The following PTPRN2 variants were observed in gnomAD, a reference collection of about 807,000 sequenced individuals.
PTPRN2 encodes protein tyrosine phosphatase receptor type N2.
In PTPRN2, 74 loss-of-function variants were observed where a neutral mutation model predicts 118.8. The ratio of observed to expected loss-of-function variants is 0.62; its 90% CI spans 0.52 to 0.76. The LOEUF (loss-of-function observed/expected upper bound fraction) is 0.76. Ranked by LOEUF, PTPRN2 falls within the 30% of genes least tolerant of loss-of-function variation. PTPRN2 has a pLI of 0.00. For missense variants in PTPRN2, 1,481 were observed against 1,394.4 expected, an observed-to-expected ratio of 1.06 and a Z score of -0.99; for synonymous variants, 641 against 608.0, an observed-to-expected ratio of 1.05 and a Z score of -0.80.
intron 2 of PTPRN2, among the ~76,000 whole-genome samples, chr7:158,467,288 T>TG (rs1022458685): frequency 3.8e-5 from 3 of 78,412 alleles, no homozygotes; most frequent in African/African-American, 3.9e-5. Flanking sequence ...TTTGGGTTTT[T>TG]TTTGTGTGTT....
intron 3 of PTPRN2, among the ~76,000 whole-genome samples, chr7:158,229,314 A>C (rs1226863215): frequency 6.6e-6 from 1 of 152,106 alleles, no homozygotes; most frequent in African/African-American, 2.4e-5. Context: ...GAGTAAATAA[A>C]TAATCCTTCA....
At chr7:158,170,025 A>C (rs966208116) in intron 5 of PTPRN2, among the ~76,000 whole-genome samples, 3 of 152,176 alleles carry the variant, frequency 2.0e-5, no homozygotes, top group African/African-American at 7.2e-5. Context: ...ATTATTTCTA[A>C]AGTGATGTGA....
At chr7:158,116,106 C>A (rs1053648097) in intron 9 of PTPRN2, among the ~76,000 whole-genome samples, 4 of 152,336 alleles carry the variant, frequency 2.6e-5, no homozygotes, top group Admixed American at 6.5e-5. Flanking sequence ...CACATGGACA[C>A]AAGTACTCAT....
intron 12 of PTPRN2, among the ~76,000 whole-genome samples, chr7:157,812,058 C>T (rs1806077551): frequency 6.6e-6 from 1 of 152,166 alleles, no homozygotes; most frequent in South Asian, 2.1e-4. Flanking sequence ...GGCAGGCGGA[C>T]TCCATGTGAC....
rs1824788986 is a variant in PTPRN2, at chr7:158,526,445, G to A, written c.113-36660C>T. Among the ~76,000 whole-genome samples, 1 of 152,202 alleles carries A rather than the reference G, an allele frequency of 6.6e-6. No homozygotes were observed. The highest frequency in any genetic ancestry group is 2.4e-5 in the African/African-American group (1 of 41,452). ...CCACGTTCCCACAAACACAGGGTCTGGAGGTCTCTCCGCTGGTCACGGCCT... is the reference window on the plus strand; with the variant it reads ...CCACGTTCCCACAAACACAGGGTCTAGAGGTCTCTCCGCTGGTCACGGCCT... On this transcript the variant is annotated intron_variant, in intron 1 of 22. Transcript: ENST00000389418. The surrounding 1 kb of genome is among the most constrained non-coding windows in gnomAD (Gnocchi z 5.2).
chr7:157,685,003 C>A (rs1797105475), intron 12 of PTPRN2, among the ~76,000 whole-genome samples: 1 of 151,946 alleles, frequency 6.6e-6, no homozygotes, highest in Non-Finnish European at 1.5e-5. Context: ...TGTTCGCCTG[C>A]GGGGCCGCGT....
At position 157,622,544 on chromosome 7, in the gene PTPRN2, G is replaced by C. The variant is rs558643345; in HGVS notation, c.2197-1035C>G. 6.6e-6 allele frequency among the ~76,000 whole-genome samples: 1 copy of C among 152,162 alleles called. No homozygotes were observed. Among genetic ancestry groups the C allele is most frequent in the Admixed American group, 6.5e-5 (1 of 15,282 alleles). ...CACAGAGGGAGGGAGGGCTGGACAC[G>C]GCGAGGCGGGAATCTCAGGTCATCG... On this transcript the variant is annotated intron_variant, in intron 14 of 22. Transcript: ENST00000389418. The surrounding 1 kb of genome is among the most constrained non-coding windows in gnomAD (Gnocchi z 5.3).
At chr7:158,258,144 C>G (rs184014857) in intron 3 of PTPRN2, among the ~76,000 whole-genome samples, 3 of 152,350 alleles carry the variant, frequency 2.0e-5, no homozygotes, top group Admixed American at 2.0e-4. Context: ...CAGCTCACAG[C>G]ATGGCTGCCC....
At chr7:157,602,959 T>A (rs1293586667) in intron 16 of PTPRN2, among the ~76,000 whole-genome samples, 1 of 152,192 alleles carries the variant, frequency 6.6e-6, no homozygotes, top group African/African-American at 2.4e-5. Flanking sequence ...AAAGGCAAAT[T>A]TGGAATTTTA....
intron 6 of PTPRN2, among the ~76,000 whole-genome samples, chr7:158,149,139 C>A (rs1820603774): frequency 2.0e-5 from 3 of 151,160 alleles, no homozygotes; most frequent in Admixed American, 6.6e-5. Context: ...CATCTCACGC[C>A]ACGTGTCTTT....
At chr7:157,574,761 C>T (rs1053404490) in intron 19 of PTPRN2, among the ~76,000 whole-genome samples, 3 of 152,190 alleles carry the variant, frequency 2.0e-5, no homozygotes, top group Non-Finnish European at 2.9e-5. Context: ...CCTTTCCTGT[C>T]GCTGAAATCG....
chr7:157,818,267 T>C (rs1225600223), intron 12 of PTPRN2, among the ~76,000 whole-genome samples: 1 of 152,098 alleles, frequency 6.6e-6, no homozygotes, highest in Non-Finnish European at 1.5e-5. Context: ...GGTATGTGTG[T>C]GGTAGATGCC....
chr7:157,748,563 C>T lies in PTPRN2; in HGVS notation c.1789-65626G>A, dbSNP rs529492990. ...GTCCGGGTGATTCTGAGGCCTGCGT[C>T]CCTGAGCTCTGGGGTGTCTGGGTGA... On this transcript the variant is annotated intron_variant, in intron 12 of 22. Transcript: ENST00000389418. Among the ~76,000 whole-genome samples the T allele has an allele frequency of 7.6e-4, 113 of 149,208 alleles. 2 individuals are homozygous for T. The highest frequency in any genetic ancestry group is 1.3e-3 in the Non-Finnish European group (87 of 66,848).
chr7:158,459,330 CGCCTGGGACGAA>C (rs1818780045), intron 2 of PTPRN2, among the ~76,000 whole-genome samples: 2 of 110,978 alleles, frequency 1.8e-5, no homozygotes, highest in Admixed American at 9.5e-5. Context: ...CCAGAGCACC[CGCCTGGGACGAA>C]CAGGCTCCAG....
chr7:157,952,618 G>A (rs1424852748), intron 11 of PTPRN2, among the ~76,000 whole-genome samples: 4 of 152,036 alleles, frequency 2.6e-5, no homozygotes, highest in Non-Finnish European at 4.4e-5. Context: ...CTCATCTCAC[G>A]CCATGGAGAC....
At chr7:158,000,294 T>A (rs1585175399) in intron 11 of PTPRN2, among the ~76,000 whole-genome samples, 1 of 152,108 alleles carries the variant, frequency 6.6e-6, no homozygotes, top group Non-Finnish European at 1.5e-5. Flanking sequence ...ACCAGAGGAT[T>A]AAAACAAAAG....
intron 1 of PTPRN2, among the ~76,000 whole-genome samples, chr7:158,569,759 G>A (rs1444522935): frequency 5.0e-5 from 6 of 121,000 alleles, no homozygotes; most frequent in African/African-American, 1.9e-4. Flanking sequence ...GAGGCCGCCT[G>A]ACTGACAGGA....
chr7:158,231,444 A>G (rs927262189), intron 3 of PTPRN2, among the ~76,000 whole-genome samples: 1 of 152,212 alleles, frequency 6.6e-6, no homozygotes, highest in Non-Finnish European at 1.5e-5. Context: ...ATATATATGC[A>G]CCCAACAATG....
intron 11 of PTPRN2, among the ~76,000 whole-genome samples, chr7:158,071,394 G>A (rs867812906): frequency 5.6e-5 from 4 of 70,966 alleles, no homozygotes; most frequent in East Asian, 6.1e-4. Context: ...CGTGGTGGAG[G>A]TGCTCGTGGT....
Sources: allele counts gnomAD v4.1 joint callset (sites outside exome capture counted in the v4.1 genomes callset), GRCh38; gene constraint gnomAD v4.1.1; non-coding constraint Gnocchi (gnomAD v3.1); transcripts MANE v1.5; gene names NCBI Gene and HGNC (gene_info 2026-07-23, HGNC 2026-07-21).